The following BEST1 variants were observed in gnomAD, a reference collection of about 807,000 sequenced individuals.
BEST1 encodes bestrophin 1.
In BEST1, 58 loss-of-function variants were observed where a neutral mutation model predicts 63.3. That is an observed-to-expected ratio of 0.92 (90% CI 0.74 to 1.14). The LOEUF (loss-of-function observed/expected upper bound fraction) is 1.14. BEST1 is among the 50% of genes most tolerant of loss of function. The pLI, the probability that BEST1 is intolerant of heterozygous loss-of-function variation, is 0.00. For synonymous variants in BEST1, 283 were observed against 291.6 expected (o/e 0.97, Z 0.30); for missense variants, 671 against 740.1 (o/e 0.91, Z 1.08).
intron 1 of BEST1, 51 bp downstream of exon 1, chr11:61,950,478 G>C (rs1717688654): frequency 6.5e-6 from 1 of 152,766 alleles, no homozygotes; most frequent in Non-Finnish European, 1.5e-5. Flanking sequence ...GAGGCCTTCA[G>C]GGTTGGATGG....
rs775584943 is a variant in BEST1 at position 61,962,689 on chromosome 11, G to A, written c.1535G>A (p.Ser512Asn). 6.2e-7 allele frequency: 1 copy of A among 1,614,112 alleles called. No individual in the cohort carries two copies. The highest frequency in any genetic ancestry group is 8.5e-7 in the Non-Finnish European group (1 of 1,180,054). Residue 512 changes from serine (S) to asparagine (N), a missense_variant, in exon 10 of 11, where the codon AGT becomes AAT. By Grantham distance (46) the Ser-to-Asn change is conservative. Coordinates refer to ENST00000378043, the MANE Select transcript of BEST1 (RefSeq NM_004183.4). ...LKTVSSGAKKSFELLSESDGA... is the reference protein window; with the variant it reads ...LKTVSSGAKKNFELLSESDGA... Reference sequence around the variant, plus strand: ...ACTGTGAGTTCTGGGGCCAAGAAAAGTTTTGAATTGCTCTCAGAGAGCGAT... The same window carrying A: ...ACTGTGAGTTCTGGGGCCAAGAAAAATTTTGAATTGCTCTCAGAGAGCGAT...
Position 61,956,632 on chromosome 11 carries a change from C to T in BEST1, c.482-212C>T, listed in dbSNP as rs574428371. ...AGATCGCACCGCTGCACTCCAACCT[C>T]GGTGACAGAGCCAGACCCTTTCTCT... On this transcript the variant is annotated intron_variant, in intron 4 of 10. Transcript: ENST00000378043. Among the ~76,000 whole-genome samples, 10 of 152,228 alleles carry T rather than the reference C, an allele frequency of 6.6e-5. No homozygotes were observed. In the East Asian group the frequency reaches 1.2e-3, roughly 18 times the overall value.
chr11:61,959,497 G>A lies in BEST1; in HGVS notation c.868-1G>A, dbSNP rs2134453079. The A allele has an allele frequency of 1.9e-6, 3 of 1,614,188 alleles. No individual in the cohort carries two copies. The highest frequency in any genetic ancestry group is 2.5e-6 in the Non-Finnish European group (3 of 1,180,016). On this transcript the variant is annotated splice_acceptor_variant, in intron 7 of 10. Coordinates refer to ENST00000378043, the MANE Select transcript of BEST1 (RefSeq NM_004183.4). LOFTEE classifies it high-confidence loss of function. ...TTTACAGAGCCTCACCTGTCCCCAA[G>A]GTGGCAGAGCAGCTCATCAACCCCT...
chr11:61,955,558 C>A, intron 3 of BEST1, 160 bp from the exon 4 acceptor site: 2 of 1,005,606 alleles, frequency 2.0e-6, no homozygotes, highest in Non-Finnish European at 2.8e-6. Context: ...CCATGCGAGG[C>A]TCTGCCTGCC....
At chr11:61,953,929 C>T (rs1284677776) in intron 2 of BEST1, among the ~76,000 whole-genome samples, 1 of 150,334 alleles carries the variant, frequency 6.7e-6, no homozygotes, top group Non-Finnish European at 1.5e-5. Flanking sequence ...ACCAATAAAC[C>T]AAAAACATTT....
At chr11:61,956,006 G>A in intron 4 of BEST1, 55 bp downstream of exon 4, 6 of 1,492,540 alleles carry the variant, frequency 4.0e-6, no homozygotes, top group Non-Finnish European at 5.4e-6. Context: ...GGCCGAGATG[G>A]GCGCGGCAGG....
intron 2 of BEST1, among the ~76,000 whole-genome samples, chr11:61,952,729 G>A (rs890680594): frequency 8.0e-5 from 12 of 150,498 alleles, no homozygotes; most frequent in African/African-American, 2.9e-4. Flanking sequence ...CACCCACCTC[G>A]GCCTCCCAAA....
chr11:61,959,979 C>T lies in BEST1; in HGVS notation c.1036C>T (p.Pro346Ser), dbSNP rs1481681066. 1 of 1,612,560 alleles carries T rather than the reference C, an allele frequency of 6.2e-7. No homozygotes were observed. The highest frequency in any genetic ancestry group is 1.7e-5 in the Admixed American group (1 of 59,864). Residue 346 changes from proline (P) to serine (S), a missense_variant, in exon 9 of 11, where the codon CCC becomes TCC. Coordinates refer to ENST00000378043, the MANE Select transcript of BEST1 (RefSeq NM_004183.4). ...CTGGAATAAGCCCGAGCCACAGCCC[C>T]CCTACACAGCTGCTTCCGCCCAGTT... ...MYWNKPEPQP[P>S]YTAASAQFRR...
chr11:61,951,196 T>C (rs1054300255), intron 1 of BEST1, among the ~76,000 whole-genome samples: 8 of 144,270 alleles, frequency 5.5e-5, no homozygotes, highest in African/African-American at 1.8e-4. Flanking sequence ...TTTGTCATTG[T>C]ATTATTTATT....
chr11:61,963,244 G>C, intron 10 of BEST1: 2 of 1,382,392 alleles, frequency 1.4e-6, no homozygotes, highest in Non-Finnish European at 1.9e-6. Flanking sequence ...AACTTACTTT[G>C]AGCAAGGGTG....
chr11:61,964,330 C>G lies in BEST1; in HGVS notation c.*208C>G. ...ATTCATAAAAACTGTGAAAGCTAGA[C>G]TGAACCATTGGAAACATTTAACTCA... On this transcript the variant is annotated 3_prime_UTR_variant, in exon 11 of 11. Coordinates refer to ENST00000378043, the MANE Select transcript of BEST1 (RefSeq NM_004183.4). 9.0e-6 allele frequency: 9 copies of G among 996,012 alleles called. No homozygotes were observed. The South Asian group carries it at 1.5e-4, about 17-fold the overall frequency. 61.7% of individuals were successfully genotyped at this position (996,012 alleles called of 1,614,324 possible).
intron 9 of BEST1, chr11:61,961,399 G>A (rs1272812982): frequency 1.3e-5 from 2 of 152,332 alleles, no homozygotes; most frequent in African/African-American, 2.4e-5. Flanking sequence ...GAAGGGTTGG[G>A]AAGGTGATCA....
At chr11:61,958,907 T>TACAC (rs1214610136) in intron 7 of BEST1, 4,889 of 30,484 alleles carry the variant, frequency 0.16, 255 homozygotes, top group African/African-American at 0.26. Context: ...CACACACACA[T>TACAC]ACACACACAC....
intron 2 of BEST1, 92 bp downstream of exon 2, chr11:61,952,050 T>TG: frequency 6.8e-7 from 1 of 1,467,674 alleles, no homozygotes; most frequent in Non-Finnish European, 9.4e-7. Context: ...CAGGGGCCAG[T>TG]GTACCAGTTC....
chr11:61,963,496 G>C (rs991872382), intron 10 of BEST1: 2 of 1,066,500 alleles, frequency 1.9e-6, no homozygotes, highest in African/African-American at 3.3e-5. Context: ...CACAAAATCA[G>C]ATATTTCCCT....
intron 10 of BEST1, chr11:61,963,654 T>TA (rs1339523649): frequency 5.7e-6 from 6 of 1,055,740 alleles, no homozygotes; most frequent in Non-Finnish European, 6.9e-6. Context: ...ATTGAAAACT[T>TA]AAAAGGGCAA....
chr11:61,964,421 A>G lies in BEST1; in HGVS notation c.*299A>G. 1 of 619,192 alleles carries G rather than the reference A, an allele frequency of 1.6e-6. No homozygotes were observed. Among genetic ancestry groups the G allele is most frequent in the Non-Finnish European group, 2.8e-6 (1 of 358,024 alleles). The allele number at this position is 619,192 out of a possible 1,614,324, so 38.4% of individuals were successfully genotyped here. A position where few individuals can be genotyped will look rare whatever the true frequency, so the allele number is the denominator to read the frequency against. ...ATCCAAGACAGCCACACCTTAGTAT[A>G]CTGCCCAAACTAATGAGTTTAATAA... On this transcript the variant is annotated 3_prime_UTR_variant, in exon 11 of 11. Coordinates refer to ENST00000378043, the MANE Select transcript of BEST1 (RefSeq NM_004183.4).
Position 61,957,412 on chromosome 11 carries a change from G to T in BEST1, c.662G>T (p.Cys221Phe). 1.2e-6 allele frequency: 2 copies of T among 1,614,128 alleles called. No homozygotes were observed. Among genetic ancestry groups the T allele is most frequent in the Non-Finnish European group, 1.7e-6 (2 of 1,180,014 alleles). Residue 221 changes from cysteine (C) to phenylalanine (F), a missense_variant, in exon 6 of 11, where the codon TGT (cysteine) becomes TTT (phenylalanine). Transcript: ENST00000378043. The stretch of plus-strand genomic sequence containing the variant: ...GAGATGAACACCTTGCGTACTCAGT[G>T]TGGACACCTGTATGCCTACGACTGG... ...LNEMNTLRTQCGHLYAYDWIS... is the reference protein window; with the variant it reads ...LNEMNTLRTQFGHLYAYDWIS...
chr11:61,964,226 C>T lies in BEST1; in HGVS notation c.*104C>T, dbSNP rs1387985433. The T allele has an allele frequency of 3.8e-6, 6 of 1,589,098 alleles. No individual in the cohort carries two copies. Among genetic ancestry groups the T allele is most frequent in the Non-Finnish European group, 5.1e-6 (6 of 1,168,200 alleles). On this transcript the variant is annotated 3_prime_UTR_variant, in exon 11 of 11. Coordinates refer to ENST00000378043, the MANE Select transcript of BEST1 (RefSeq NM_004183.4). The stretch of plus-strand genomic sequence containing the variant: ...CCATACAGCTGTCCACACTGAAGAA[C>T]ATGTCCTACAACAGCCTGAATCAAA...
Sources: gnomAD v4.1 joint callset for allele counts (sites outside exome capture counted in the v4.1 genomes callset) on GRCh38, gnomAD v4.1.1 for gene constraint, MANE v1.5 for transcripts, NCBI Gene and HGNC (gene_info 2026-07-23, HGNC 2026-07-21) for gene names.